The following SPTLC2 variants were observed in gnomAD, a reference collection of about 807,000 sequenced individuals.
SPTLC2 encodes the protein serine palmitoyltransferase 2.
A neutral mutation model predicts 62.0 loss-of-function variants in SPTLC2; 21 were observed. That is an observed-to-expected ratio of 0.34 (90% CI 0.24 to 0.49). The LOEUF is 0.49. Ranked by LOEUF, SPTLC2 falls within the 20% of genes least tolerant of loss-of-function variation. The pLI is 0.99. For synonymous variants in SPTLC2, 261 were observed against 261.8 expected, an observed-to-expected ratio of 1.00 and a Z score of 0.03; for missense variants, 511 against 713.0, an observed-to-expected ratio of 0.72 and a Z score of 3.23.
intron 9 of SPTLC2, among the ~76,000 whole-genome samples, chr14:77,535,351 C>T (rs974540771): frequency 1.3e-5 from 2 of 152,068 alleles, no homozygotes; most frequent in African/African-American, 4.8e-5. Context: ...AGATAGATCC[C>T]AAGGGCCCAC....
chr14:77,616,295 G>A (rs1273028320), intron 1 of SPTLC2, among the ~76,000 whole-genome samples, 153 bp downstream of exon 1: 1 of 152,144 alleles, frequency 6.6e-6, no homozygotes, highest in Non-Finnish European at 1.5e-5. Flanking sequence ...GCTCGTGGAG[G>A]TCGGGCCAGC....
At chr14:77,519,775 C>T (rs2079376971) in intron 10 of SPTLC2, among the ~76,000 whole-genome samples, 1 of 152,204 alleles carries the variant, frequency 6.6e-6, no homozygotes, top group Non-Finnish European at 1.5e-5. Flanking sequence ...AGTACCAGTA[C>T]ATCTTCCTCA....
At position 77,511,323 on chromosome 14, in the gene SPTLC2, T is replaced by C. The variant is rs1052096185; in HGVS notation, c.*961A>G. The C allele has an allele frequency of 6.6e-6, 1 of 152,180 alleles. No individual in the cohort carries two copies. Among genetic ancestry groups the C allele is most frequent in the Non-Finnish European group, 1.5e-5 (1 of 68,032 alleles). The allele number at this position is 152,180 out of a possible 1,614,324, so 9.4% of individuals were successfully genotyped here. On this transcript the variant is annotated 3_prime_UTR_variant, in exon 12 of 12. Coordinates refer to ENST00000216484, the MANE Select transcript of SPTLC2 (RefSeq NM_004863.4). ...TGGACCCAGACCTAGCCAGAGACTG[T>C]CATAATTTTCAAACGTAGAAAGCAG...
chr14:77,571,462 T>G (rs1292478115), intron 4 of SPTLC2, among the ~76,000 whole-genome samples: 1 of 145,166 alleles, frequency 6.9e-6, no homozygotes, highest in Admixed American at 7.1e-5. Flanking sequence ...TGAGCTGAGA[T>G]CGCACCACTG....
chr14:77,546,772 G>T (rs188525163), intron 9 of SPTLC2, among the ~76,000 whole-genome samples: 25 of 150,108 alleles, frequency 1.7e-4, no homozygotes, highest in African/African-American at 5.9e-4. Context: ...TTTCGCTCTT[G>T]TTGCCCAGGT....
intron 1 of SPTLC2, among the ~76,000 whole-genome samples, chr14:77,599,461 A>G (rs1322356581): frequency 6.6e-6 from 1 of 152,258 alleles, no homozygotes; most frequent in Non-Finnish European, 1.5e-5. Context: ...AGAATATCCT[A>G]TCCCCGTAAT....
At chr14:77,592,277 G>T (rs2079822089) in intron 2 of SPTLC2, among the ~76,000 whole-genome samples, 1 of 151,902 alleles carries the variant, frequency 6.6e-6, no homozygotes, top group Non-Finnish European at 1.5e-5. Context: ...TGGGATTACA[G>T]GTGCCCACCA....
At chr14:77,608,841 C>T (rs2079919164) in intron 1 of SPTLC2, among the ~76,000 whole-genome samples, 1 of 151,366 alleles carries the variant, frequency 6.6e-6, no homozygotes, top group Non-Finnish European at 1.5e-5. Context: ...ATCATTTGAA[C>T]TTGGAGGCGG....
At chr14:77,559,228 C>T (rs925151301) in intron 6 of SPTLC2, among the ~76,000 whole-genome samples, 4 of 152,136 alleles carry the variant, frequency 2.6e-5, no homozygotes, top group African/African-American at 9.7e-5. Flanking sequence ...GAGGCTGAGA[C>T]ATGAGAATCG....
At position 77,606,111 on chromosome 14, in the gene SPTLC2, C is replaced by T. The variant is rs187411020; in HGVS notation, c.133-8731G>A. Among the ~76,000 whole-genome samples, 8 of 152,254 alleles carry T rather than the reference C, an allele frequency of 5.3e-5. No individual in the cohort carries two copies. In the East Asian group the frequency reaches 1.5e-3, roughly 29 times the overall value. ...TTTTGGGAGGCCGAGGCAGGCTGAT[C>T]ATGAGGTCAGGACTTCGAGACCAGC... is the stretch of plus-strand genomic sequence containing the variant. On this transcript the variant is annotated intron_variant, in intron 1 of 11. Coordinates refer to ENST00000216484, the MANE Select transcript of SPTLC2 (RefSeq NM_004863.4).
intron 1 of SPTLC2, among the ~76,000 whole-genome samples, chr14:77,605,887 AC>A (rs1384398143): frequency 6.6e-6 from 1 of 152,198 alleles, no homozygotes; most frequent in Non-Finnish European, 1.5e-5. Flanking sequence ...GGGATACTAC[AC>A]CGAACTGAAG....
chr14:77,559,777 G>C (rs34201644), intron 6 of SPTLC2, among the ~76,000 whole-genome samples: 35,172 of 151,942 alleles, frequency 0.23, 4,205 homozygotes, highest in Middle Eastern at 0.35. Flanking sequence ...TACAGTCCTA[G>C]CTACTCAGGA....
At chr14:77,592,568 G>A (rs933964292) in intron 2 of SPTLC2, among the ~76,000 whole-genome samples, 2 of 152,040 alleles carry the variant, frequency 1.3e-5, no homozygotes, top group African/African-American at 2.4e-5. Context: ...TCCCTTCGCC[G>A]TATCCTATCC....
At chr14:77,562,301 T>C in intron 6 of SPTLC2, 95 bp downstream of exon 6, 1 of 1,082,826 alleles carries the variant, frequency 9.2e-7, no homozygotes, top group Non-Finnish European at 1.4e-6. Context: ...TCTTCATTTA[T>C]ACTTTCAAGT....
At chr14:77,567,612 C>G (rs571661113) in intron 5 of SPTLC2, among the ~76,000 whole-genome samples, 51 of 152,350 alleles carry the variant, frequency 3.3e-4, no homozygotes, top group African/African-American at 1.2e-3. Flanking sequence ...ATTCCTGTTA[C>G]TGGTAATATG....
intron 2 of SPTLC2, among the ~76,000 whole-genome samples, chr14:77,593,884 T>C (rs557746462): frequency 6.6e-6 from 1 of 152,278 alleles, no homozygotes; most frequent in South Asian, 2.1e-4. Flanking sequence ...AATCCAACAT[T>C]AGAAAACAAA....
At chr14:77,573,500 AAAAT>A (rs71452862) in intron 4 of SPTLC2, among the ~76,000 whole-genome samples, 20,668 of 150,118 alleles carry the variant, frequency 0.14, 1,575 homozygotes, top group African/African-American at 0.18. Flanking sequence ...AAAGATTTTA[AAAAT>A]AAATAAATAA....
rs546049606 is a variant in SPTLC2, at chr14:77,572,767, G to A, written c.632-2259C>T. On this transcript the variant is annotated intron_variant, in intron 4 of 11. Transcript: ENST00000216484. ...CTGCTTCACCTTGCACTTTTATGTT[G>A]TGGGGATGGCTTCTTTCCTTAAGCT... Among the ~76,000 whole-genome samples, 7 of 152,340 alleles carry A rather than the reference G, an allele frequency of 4.6e-5. No individual in the cohort carries two copies. The South Asian group carries it at 8.3e-4, about 18-fold the overall frequency.
At chr14:77,571,790 G>GC (rs2079684617) in intron 4 of SPTLC2, among the ~76,000 whole-genome samples, 1 of 152,008 alleles carries the variant, frequency 6.6e-6, no homozygotes, top group African/African-American at 2.4e-5. Context: ...ATACGTTTGA[G>GC]CTTTTTTTCT....
Sources: gnomAD v4.1 joint callset for allele counts (sites outside exome capture counted in the v4.1 genomes callset) on GRCh38, gnomAD v4.1.1 for gene constraint, MANE v1.5 for transcripts, NCBI Gene and HGNC (gene_info 2026-07-23, HGNC 2026-07-21) for gene names.